Variants in TG observed in about 807,000 individuals in gnomAD.
The protein encoded by TG is thyroglobulin.
TG carries 270 observed loss-of-function variants against 324.7 expected under a neutral mutation model. The ratio of observed to expected loss-of-function variants is 0.83; its 90% CI spans 0.75 to 0.92. The LOEUF (loss-of-function observed/expected upper bound fraction) is 0.92, where lower values mean the gene tolerates loss of function less well. TG is among the 40% of genes least tolerant of loss of function. The pLI, the probability that TG is intolerant of heterozygous loss-of-function variation, is 0.00. For missense variants in TG, 3,591 were observed against 3,456.4 expected, an observed-to-expected ratio of 1.04 and a Z score of -0.98; for synonymous variants, 1,401 against 1,327.0, an observed-to-expected ratio of 1.06 and a Z score of -1.21.
intron 34 of TG, among the ~76,000 whole-genome samples, chr8:132,980,281 A>G (rs1830662488): frequency 1.3e-5 from 2 of 152,132 alleles, no homozygotes; most frequent in African/African-American, 2.4e-5. Flanking sequence ...ATCTCCAAGA[A>G]GAAGAGAACA....
Position 132,971,786 on chromosome 8 carries a change from T to G in TG, c.5976-8T>G, listed in dbSNP as rs772759253. 1 of 1,609,236 alleles carries G rather than the reference T, an allele frequency of 6.2e-7. No homozygotes were observed. The highest frequency in any genetic ancestry group is 8.5e-7 in the Non-Finnish European group (1 of 1,175,540). ...CCTTCAGGCCTGCTCTTTCTCTTCCTATGCCAGGTTCTTTGAATGTGAACG... is the reference window on the plus strand; with the variant it reads ...CCTTCAGGCCTGCTCTTTCTCTTCCGATGCCAGGTTCTTTGAATGTGAACG... On this transcript the variant is annotated splice_region_variant and splice_polypyrimidine_tract_variant and intron_variant, in intron 32 of 47. Coordinates refer to ENST00000220616, the MANE Select transcript of TG (RefSeq NM_003235.5).
At chr8:133,066,325 CAAA>C (rs11395047) in intron 41 of TG, among the ~76,000 whole-genome samples, 1 of 87,112 alleles carries the variant, frequency 1.1e-5, no homozygotes. Context: ...GACTCTGTCT[CAAA>C]AAAAAAAAAA....
chr8:132,999,319 A>T (rs116238373), intron 35 of TG, among the ~76,000 whole-genome samples: 48,789 of 151,156 alleles, frequency 0.32, 8,037 homozygotes, highest in Non-Finnish European at 0.35. Context: ...AGAATAATTA[A>T]AAAAAAAAAC....
At chr8:132,928,969 A>G (rs1822286272) in intron 22 of TG, 107 bp from the exon 23 acceptor site, 4 of 881,224 alleles carry the variant, frequency 4.5e-6, no homozygotes, top group African/African-American at 1.6e-5. Flanking sequence ...TGTGTTACCA[A>G]GAGCTACGAA....
intron 5 of TG, among the ~76,000 whole-genome samples, chr8:132,879,847 A>G (rs1430204709): frequency 6.6e-6 from 1 of 152,232 alleles, no homozygotes; most frequent in Non-Finnish European, 1.5e-5. Flanking sequence ...CTCTGACCAT[A>G]AAGTGGTAGG....
At chr8:133,129,328 G>T (rs1446848209) in intron 45 of TG, among the ~76,000 whole-genome samples, 3 of 152,172 alleles carry the variant, frequency 2.0e-5, no homozygotes, top group Admixed American at 2.0e-4. Flanking sequence ...AGACAGTGGT[G>T]GCCTGGAGCT....
chr8:132,941,578 G>C, intron 26 of TG, 36 bp downstream of exon 26: 1 of 1,613,360 alleles, frequency 6.2e-7, no homozygotes, highest in Non-Finnish European at 8.5e-7. Flanking sequence ...CCTAACAAGG[G>C]ATGGGGAGCA....
intron 26 of TG, among the ~76,000 whole-genome samples, chr8:132,944,582 C>T (rs1386252742): frequency 6.6e-6 from 1 of 152,218 alleles, no homozygotes; most frequent in Non-Finnish European, 1.5e-5. Context: ...GGGAAGTGAC[C>T]TGCCAGATGC....
intron 41 of TG, chr8:133,047,527 T>C (rs1839656170): frequency 2.5e-6 from 1 of 400,694 alleles, no homozygotes; most frequent in Non-Finnish European, 4.7e-6. Context: ...CTGCACAGCA[T>C]GCTGCCTACA....
chr8:132,887,941 T>C, intron 9 of TG, 43 bp from the exon 10 acceptor site: 1 of 1,560,958 alleles, frequency 6.4e-7, no homozygotes, highest in Non-Finnish European at 8.7e-7. Flanking sequence ...TCCAGTTTGT[T>C]AAATTTCTTA....
At position 132,888,031 on chromosome 8, in the gene TG, G is replaced by A. The variant is rs145363255; in HGVS notation, c.2224G>A (p.Val742Met). The change falls in exon 10 of 48, where the codon GTG (valine) becomes ATG (methionine). Residue 742 changes from valine (V) to methionine (M), a missense_variant. Physicochemically the swap from Val to Met is conservative, Grantham distance 21. Coordinates refer to ENST00000220616, the MANE Select transcript of TG (RefSeq NM_003235.5). ...GTCTGAGCAAGCTTTCCTCAGGACG[G>A]TGCAGGCCCTGCTCTCTAACTCCAG... ...LQSEQAFLRT[V>M]QALLSNSSML... The A allele has an allele frequency of 9.9e-6, 16 of 1,614,120 alleles. No individual in the cohort carries two copies. Among genetic ancestry groups the A allele is most frequent in the South Asian group, 5.5e-5 (5 of 91,070 alleles).
Position 133,121,166 on chromosome 8 carries a change from T to C in TG, c.7862+4450T>C, listed in dbSNP as rs560990009. Among the ~76,000 whole-genome samples the C allele has an allele frequency of 1.2e-4, 19 of 152,284 alleles. 1 individual carries two copies. The highest frequency in any genetic ancestry group is 1.0e-3 in the South Asian group (5 of 4,828). ...GAAGACTTAGTAGGTGCTCAGGAAA[T>C]CATACCGAAGGATAGATGGTCAGGA... is the stretch of plus-strand genomic sequence containing the variant. On this transcript the variant is annotated intron_variant, in intron 45 of 47. Coordinates refer to ENST00000220616, the MANE Select transcript of TG (RefSeq NM_003235.5).
intron 24 of TG, among the ~76,000 whole-genome samples, chr8:132,935,282 A>G (rs1467487065): frequency 6.6e-6 from 1 of 151,986 alleles, no homozygotes; most frequent in Non-Finnish European, 1.5e-5. Context: ...CTGGGATTAC[A>G]GGCAGACGCC....
chr8:132,934,410 C>A (rs1823256704), intron 24 of TG, among the ~76,000 whole-genome samples: 2 of 152,164 alleles, frequency 1.3e-5, no homozygotes, highest in East Asian at 3.8e-4. Context: ...CATAACATTG[C>A]TGTTCTGTGA....
At chr8:133,107,406 A>T (rs929276194) in intron 43 of TG, among the ~76,000 whole-genome samples, 5 of 152,206 alleles carry the variant, frequency 3.3e-5, no homozygotes, top group Admixed American at 3.3e-4. Context: ...AGTTCATGAC[A>T]GCCCTTTGTG....
chr8:133,029,719 C>T, intron 40 of TG, 102 bp from the exon 41 acceptor site: 1 of 1,418,216 alleles, frequency 7.1e-7, no homozygotes, highest in Non-Finnish European at 9.9e-7. Flanking sequence ...AGCCCAGAGC[C>T]CCTGGCGGGG....
chr8:133,047,922 T>G (rs1195088144), intron 41 of TG: 1 of 1,606,158 alleles, frequency 6.2e-7, no homozygotes, highest in African/African-American at 1.3e-5. Flanking sequence ...GCCCAGGCCC[T>G]CAAACAGCCA....
At chr8:132,923,289 G>A in intron 21 of TG, 49 bp from the exon 22 acceptor site, 1 of 1,605,168 alleles carries the variant, frequency 6.2e-7, no homozygotes, top group Non-Finnish European at 8.5e-7. Flanking sequence ...AGGAGTCAGG[G>A]GATTCCAGAG....
intron 23 of TG, among the ~76,000 whole-genome samples, chr8:132,931,398 T>A (rs1210967572): frequency 6.6e-6 from 1 of 152,254 alleles, no homozygotes; most frequent in Non-Finnish European, 1.5e-5. Flanking sequence ...AAGGTGGTTT[T>A]ACGGTAGATC....
Sources: gnomAD v4.1 joint callset for allele counts (sites outside exome capture counted in the v4.1 genomes callset) on GRCh38, gnomAD v4.1.1 for gene constraint, MANE v1.5 for transcripts, NCBI Gene and HGNC (gene_info 2026-07-23, HGNC 2026-07-21) for gene names.